The following SORCS2 variants were observed in gnomAD, a reference collection of about 807,000 sequenced individuals.
SORCS2 encodes the protein sortilin related VPS10 domain containing receptor 2.
In SORCS2, 100 loss-of-function variants were observed where a neutral mutation model predicts 141.6. The ratio of observed to expected loss-of-function variants is 0.71; its 90% CI spans 0.60 to 0.83. The LOEUF (loss-of-function observed/expected upper bound fraction) is 0.83, where lower values mean the gene tolerates loss of function less well. Among genes scored for constraint, SORCS2 ranks in the 40% least tolerant of loss-of-function variants. The pLI is 0.00. For synonymous variants in SORCS2, 789 were observed against 676.9 expected, an observed-to-expected ratio of 1.17 and a Z score of -2.57; for missense variants, 1,646 against 1,560.2, an observed-to-expected ratio of 1.05 and a Z score of -0.93.
intron 1 of SORCS2, among the ~76,000 whole-genome samples, chr4:7,254,458 T>A (rs1169275160): frequency 6.6e-6 from 1 of 152,202 alleles, no homozygotes; most frequent in Non-Finnish European, 1.5e-5. Flanking sequence ...CATAAGTGGG[T>A]ACTAAGAAGT....
At chr4:7,371,349 T>C (rs111348363) in intron 1 of SORCS2, among the ~76,000 whole-genome samples, 1 of 152,188 alleles carries the variant, frequency 6.6e-6, no homozygotes, top group African/African-American at 2.4e-5. Flanking sequence ...GGGCCCTTCT[T>C]GAGAACCTTG....
At chr4:7,619,043 A>G (rs1718962090) in intron 3 of SORCS2, among the ~76,000 whole-genome samples, 1 of 152,162 alleles carries the variant, frequency 6.6e-6, no homozygotes, top group South Asian at 2.1e-4. Context: ...TGTCAGACAC[A>G]CAATCTGTGA....
At chr4:7,652,587 G>A (rs1049456476) in intron 4 of SORCS2, among the ~76,000 whole-genome samples, 7 of 152,126 alleles carry the variant, frequency 4.6e-5, no homozygotes, top group Non-Finnish European at 5.9e-5. Flanking sequence ...CCGGGGCACA[G>A]ATCCAAGAAC....
chr4:7,676,016 G>C (rs1188812788), intron 8 of SORCS2, 34 bp from the exon 9 acceptor site: 1 of 1,554,784 alleles, frequency 6.4e-7, no homozygotes, highest in Non-Finnish European at 8.7e-7. Flanking sequence ...CCCCAGCCTG[G>C]CTCTGACCCT....
At chr4:7,338,089 C>A (rs192907732) in intron 1 of SORCS2, among the ~76,000 whole-genome samples, 9 of 124,332 alleles carry the variant, frequency 7.2e-5, no homozygotes, top group Middle Eastern at 4.1e-3. Context: ...GGCTGGCTGG[C>A]TGGATGGATG....
intron 2 of SORCS2, among the ~76,000 whole-genome samples, chr4:7,414,584 T>G (rs1468603642): frequency 1.3e-5 from 2 of 152,164 alleles, no homozygotes; most frequent in East Asian, 3.8e-4. Context: ...CGATTAACTT[T>G]TATACCTAGG....
chr4:7,739,309 T>G (rs1030768314), intron 26 of SORCS2, among the ~76,000 whole-genome samples: 1 of 151,830 alleles, frequency 6.6e-6, no homozygotes, highest in Non-Finnish European at 1.5e-5. Context: ...GTTTTGGGGC[T>G]CCCTCTCCTG....
intron 1 of SORCS2, among the ~76,000 whole-genome samples, chr4:7,199,932 C>A (rs528031266): frequency 6.6e-6 from 1 of 152,128 alleles, no homozygotes; most frequent in South Asian, 2.1e-4. Flanking sequence ...ACCGACACTC[C>A]CGGGGAATGC....
chr4:7,284,305 G>T (rs1381915561), intron 1 of SORCS2, among the ~76,000 whole-genome samples: 1 of 151,364 alleles, frequency 6.6e-6, no homozygotes, highest in Non-Finnish European at 1.5e-5. Context: ...GGGGTCAGAC[G>T]GTCTGTGTTC....
chr4:7,355,108 T>A (rs993887047), intron 1 of SORCS2, among the ~76,000 whole-genome samples: 6 of 152,172 alleles, frequency 3.9e-5, no homozygotes, highest in Admixed American at 6.5e-5. Context: ...TTTGTTTGCA[T>A]AATTCTGGAT....
intron 2 of SORCS2, among the ~76,000 whole-genome samples, chr4:7,412,317 A>T (rs1725373580): frequency 6.6e-6 from 1 of 152,192 alleles, no homozygotes; most frequent in African/African-American, 2.4e-5. Flanking sequence ...AAACTGGGGC[A>T]GAAAGGGGTC....
intron 3 of SORCS2, among the ~76,000 whole-genome samples, chr4:7,557,381 A>C (rs1412437669): frequency 6.6e-6 from 1 of 152,192 alleles, no homozygotes; most frequent in Non-Finnish European, 1.5e-5. Context: ...GGTTGGTGAC[A>C]CTGCTCTGGC....
At chr4:7,505,910 G>A (rs1387360633) in intron 2 of SORCS2, among the ~76,000 whole-genome samples, 1 of 152,210 alleles carries the variant, frequency 6.6e-6, no homozygotes, top group East Asian at 1.9e-4. Flanking sequence ...CAGGCCTGGT[G>A]TGGGACGTGC....
intron 1 of SORCS2, among the ~76,000 whole-genome samples, chr4:7,344,397 G>C (rs1346594377): frequency 3.3e-5 from 5 of 152,228 alleles, no homozygotes; most frequent in African/African-American, 1.2e-4. Flanking sequence ...CTAGCACTCA[G>C]GCCTTCACTG....
At chr4:7,591,750 C>A (rs906065325) in intron 3 of SORCS2, among the ~76,000 whole-genome samples, 1 of 152,192 alleles carries the variant, frequency 6.6e-6, no homozygotes, top group Non-Finnish European at 1.5e-5. Context: ...AAGCGCCCCA[C>A]GGCAGTGATG....
At chr4:7,700,512 A>T (rs78568536) in intron 12 of SORCS2, among the ~76,000 whole-genome samples, 4 of 152,288 alleles carry the variant, frequency 2.6e-5, no homozygotes, top group Non-Finnish European at 4.4e-5. Flanking sequence ...GGGGAGGAGA[A>T]CTGTGGAACG....
At chr4:7,687,591 C>A (rs533648592) in intron 10 of SORCS2, among the ~76,000 whole-genome samples, 1 of 152,236 alleles carries the variant, frequency 6.6e-6, no homozygotes, top group African/African-American at 2.4e-5. Flanking sequence ...GTATTCAGCT[C>A]CGGGCTCCCC....
At chr4:7,707,954 G>A (rs1252425014) in intron 14 of SORCS2, among the ~76,000 whole-genome samples, 1 of 152,156 alleles carries the variant, frequency 6.6e-6, no homozygotes, top group Non-Finnish European at 1.5e-5. Context: ...GATGCTTCTC[G>A]CCAGGCTGGT....
At chr4:7,205,114 C>T (rs1014640983) in intron 1 of SORCS2, among the ~76,000 whole-genome samples, 6 of 152,228 alleles carry the variant, frequency 3.9e-5, no homozygotes, top group African/African-American at 1.4e-4. Context: ...TCTGATTTTT[C>T]ATTTGACCAT....
Sources: gnomAD v4.1 joint callset for allele counts (sites outside exome capture counted in the v4.1 genomes callset) on GRCh38, gnomAD v4.1.1 for gene constraint, MANE v1.5 for transcripts, NCBI Gene and HGNC (gene_info 2026-07-23, HGNC 2026-07-21) for gene names.